VWA3B: variants seen among roughly 807,000 people sequenced by gnomAD.
The protein encoded by VWA3B is von Willebrand factor A domain-containing protein 3B.
A neutral mutation model predicts 158.3 loss-of-function variants in VWA3B; 138 were observed. The ratio of observed to expected loss-of-function variants is 0.87; its 90% CI spans 0.76 to 1.00. The LOEUF is 1.00. Ranked by LOEUF, VWA3B falls within the 50% of genes least tolerant of loss-of-function variation. The pLI is 0.00. For missense variants in VWA3B, 1,555 were observed against 1,565.1 expected (o/e 0.99, Z 0.11); for synonymous variants, 596 against 587.3 (o/e 1.01, Z -0.21).
intron 19 of VWA3B, among the ~76,000 whole-genome samples, chr2:98,250,094 G>C (rs62156724): frequency 6.6e-6 from 1 of 151,916 alleles, no homozygotes. Context: ...TGTATGTGGT[G>C]GTAGTGATTT....
intron 7 of VWA3B, among the ~76,000 whole-genome samples, chr2:98,157,136 C>T (rs1008074834): frequency 1.3e-5 from 2 of 152,126 alleles, no homozygotes; most frequent in Non-Finnish European, 2.9e-5. Context: ...GCCCAGAGGA[C>T]GGTGCCACAT....
intron 14 of VWA3B, among the ~76,000 whole-genome samples, chr2:98,225,582 G>C (rs2105662904): frequency 6.6e-6 from 1 of 151,940 alleles, no homozygotes; most frequent in South Asian, 2.1e-4. Context: ...CATACTACTG[G>C]AAGTTCTAAC....
Position 98,121,299 on chromosome 2 carries a change from G to C in VWA3B, c.543G>C (p.Arg181=), listed in dbSNP as rs375261879. The C allele has an allele frequency of 1.3e-5, 21 of 1,612,046 alleles. No individual in the cohort carries two copies. In the African/African-American group the frequency reaches 2.7e-4, roughly 21 times the overall value. The change falls in exon 5 of 28, where the codon CGG becomes CGC. Residue 181 remains arginine (R), a splice_region_variant and synonymous_variant. Coordinates refer to ENST00000477737, the MANE Select transcript of VWA3B (RefSeq NM_144992.5). ...GACCACTCCATGTGATCCTTTTCAGGGTTTCTCAAGAGCCTGTGAAGTGGC... is the reference window on the plus strand; with the variant it reads ...GACCACTCCATGTGATCCTTTTCAGCGTTTCTCAAGAGCCTGTGAAGTGGC... ...VAHITEFNII[R]VSQEPVKWQE...
chr2:98,109,649 T>TCTG (rs1673985574), intron 2 of VWA3B, among the ~76,000 whole-genome samples: 1 of 152,294 alleles, frequency 6.6e-6, no homozygotes, highest in African/African-American at 2.4e-5. Flanking sequence ...TTATTTTCTT[T>TCTG]CTGCTTAGAG....
At chr2:98,143,538 T>C (rs1298310858) in intron 7 of VWA3B, among the ~76,000 whole-genome samples, 4 of 152,140 alleles carry the variant, frequency 2.6e-5, no homozygotes, top group African/African-American at 4.8e-5. Flanking sequence ...GGGAATAATA[T>C]GTTGTTTCTA....
intron 19 of VWA3B, among the ~76,000 whole-genome samples, chr2:98,248,634 T>C (rs1055372436): frequency 2.6e-5 from 4 of 152,110 alleles, no homozygotes; most frequent in African/African-American, 9.7e-5. Flanking sequence ...AGGCCTTTGT[T>C]TTTCAGAACA....
At chr2:98,229,642 GT>G (rs762991368) in intron 15 of VWA3B, among the ~76,000 whole-genome samples, 5 of 152,170 alleles carry the variant, frequency 3.3e-5, no homozygotes, top group African/African-American at 4.8e-5. Context: ...TAGAGAATGG[GT>G]TTCTGCAGTG....
At chr2:98,109,039 C>G (rs1162267584) in intron 2 of VWA3B, among the ~76,000 whole-genome samples, 5 of 145,086 alleles carry the variant, frequency 3.4e-5, no homozygotes, top group Non-Finnish European at 7.5e-5. Flanking sequence ...GTTGCCTAGG[C>G]TGTAATGCAA....
intron 12 of VWA3B, among the ~76,000 whole-genome samples, chr2:98,202,942 C>T (rs940858283): frequency 6.6e-6 from 1 of 152,154 alleles, no homozygotes; most frequent in African/African-American, 2.4e-5. Flanking sequence ...AAGCGATTCT[C>T]CTGCCTCAGC....
chr2:98,309,881 G>A lies in VWA3B; in HGVS notation c.3522-1938G>A, dbSNP rs146214547. On this transcript the variant is annotated intron_variant, in intron 26 of 27. Transcript: ENST00000477737. ...GCCCCATTTCTTATGCTGGAACAAA[G>A]CCCTGAAAAACGTGCAGTTCAGCAA... Among the ~76,000 whole-genome samples, 13 of 152,260 alleles carry A rather than the reference G, an allele frequency of 8.5e-5. No homozygotes were observed. The East Asian group carries it at 2.5e-3, about 29-fold the overall frequency.
chr2:98,306,299 G>A lies in VWA3B; in HGVS notation c.3521+2497G>A, dbSNP rs150886889. Among the ~76,000 whole-genome samples the A allele has an allele frequency of 3.1e-3, 476 of 152,024 alleles. 3 individuals are homozygous for A. The highest frequency in any genetic ancestry group is 0.011 in the African/African-American group (459 of 41,430). ...GTAGGCACAAGTCCTTGAAGGTAGG[G>A]GACAGGTTCTATCTGCCTCTGAATC... On this transcript the variant is annotated intron_variant, in intron 26 of 27. Transcript: ENST00000477737.
At chr2:98,166,668 G>A (rs189828812) in intron 8 of VWA3B, among the ~76,000 whole-genome samples, 9 of 152,270 alleles carry the variant, frequency 5.9e-5, no homozygotes, top group Non-Finnish European at 8.8e-5. Context: ...AATACAAGGC[G>A]TATTTAAGTT....
At chr2:98,304,846 T>C (rs1690419337) in intron 26 of VWA3B, among the ~76,000 whole-genome samples, 1 of 152,034 alleles carries the variant, frequency 6.6e-6, no homozygotes, top group Admixed American at 6.6e-5. Context: ...CACACACTCC[T>C]AAATAAATAC....
intron 14 of VWA3B, among the ~76,000 whole-genome samples, chr2:98,218,369 A>G (rs890421475): frequency 6.6e-6 from 1 of 152,254 alleles, no homozygotes; most frequent in Non-Finnish European, 1.5e-5. Context: ...AGAAGCATAT[A>G]TAGACCTCCA....
At chr2:98,175,090 G>A (rs1048696861) in intron 8 of VWA3B, among the ~76,000 whole-genome samples, 2 of 152,080 alleles carry the variant, frequency 1.3e-5, no homozygotes, top group African/African-American at 2.4e-5. Context: ...TATTTAAAAT[G>A]TCCAGTTGTC....
intron 12 of VWA3B, among the ~76,000 whole-genome samples, chr2:98,200,673 A>C (rs1024448265): frequency 3.9e-5 from 6 of 152,268 alleles, no homozygotes; most frequent in Admixed American, 3.3e-4. Context: ...TTCACTGTGT[A>C]TAAGTTTTTA....
the VWA3B span, among the ~76,000 whole-genome samples, chr2:98,328,166 G>A: frequency 6.6e-6 from 1 of 152,068 alleles, no homozygotes; most frequent in South Asian, 2.1e-4. Flanking sequence ...CACTCATGGT[G>A]ATATTTTTTT....
At chr2:98,163,044 C>T in intron 8 of VWA3B, 68 bp downstream of exon 8, 1 of 1,589,668 alleles carries the variant, frequency 6.3e-7, no homozygotes. Flanking sequence ...CCAGGGGCTG[C>T]TTCCATGTTC....
the VWA3B span, among the ~76,000 whole-genome samples, chr2:98,319,906 ACACT>A: frequency 2.0e-5 from 3 of 147,412 alleles, no homozygotes; most frequent in African/African-American, 4.9e-5. Flanking sequence ...ACACACACAC[ACACT>A]CACACAACAA....
Sources: allele counts gnomAD v4.1 joint callset (sites outside exome capture counted in the v4.1 genomes callset), GRCh38; gene constraint gnomAD v4.1.1; transcripts MANE v1.5; gene names NCBI Gene and HGNC (gene_info 2026-07-23, HGNC 2026-07-21).